ZDHHC14: variants seen among roughly 807,000 people sequenced by gnomAD.
ZDHHC14 encodes palmitoyltransferase ZDHHC14.
A neutral mutation model predicts 47.7 loss-of-function variants in ZDHHC14; 16 were observed. The ratio of observed to expected loss-of-function variants is 0.34; its 90% CI spans 0.23 to 0.51. The LOEUF is 0.51. Ranked by LOEUF, ZDHHC14 falls within the 20% of genes least tolerant of loss-of-function variation. ZDHHC14 has a pLI of 0.97. For missense variants in ZDHHC14, 515 were observed against 662.5 expected, an observed-to-expected ratio of 0.78 and a Z score of 2.44; for synonymous variants, 293 against 278.9, an observed-to-expected ratio of 1.05 and a Z score of -0.50.
chr6:157,628,273 G>A, intron 3 of ZDHHC14, 76 bp from the exon 4 acceptor site: 1 of 1,477,076 alleles, frequency 6.8e-7, no homozygotes, highest in South Asian at 1.3e-5. Flanking sequence ...GGGTGGGAGG[G>A]GCGGGGCTCC....
chr6:157,460,522 A>G (rs953969398), intron 1 of ZDHHC14, among the ~76,000 whole-genome samples: 1 of 150,752 alleles, frequency 6.6e-6, no homozygotes, highest in Non-Finnish European at 1.5e-5. Context: ...TTGAATTCCT[A>G]TGACAAGGAG....
chr6:157,448,884 C>T (rs1404190906), intron 1 of ZDHHC14, among the ~76,000 whole-genome samples: 1 of 152,218 alleles, frequency 6.6e-6, no homozygotes, highest in East Asian at 1.9e-4. Flanking sequence ...CCAGTGCTTT[C>T]ATTTTTATTA....
intron 8 of ZDHHC14, among the ~76,000 whole-genome samples, chr6:157,667,339 G>A (rs1258186615): frequency 1.3e-5 from 2 of 152,136 alleles, no homozygotes; most frequent in South Asian, 2.1e-4. Flanking sequence ...GAGAAAAAGC[G>A]AGCGGTGATG....
intron 1 of ZDHHC14, among the ~76,000 whole-genome samples, chr6:157,528,222 C>T (rs1388760761): frequency 6.6e-6 from 1 of 152,104 alleles, no homozygotes; most frequent in Non-Finnish European, 1.5e-5. Flanking sequence ...AGTTAATAAT[C>T]GTGTTTGCCA....
chr6:157,510,418 T>C (rs1475146051), intron 1 of ZDHHC14, among the ~76,000 whole-genome samples: 1 of 152,106 alleles, frequency 6.6e-6, no homozygotes, highest in Non-Finnish European at 1.5e-5. Flanking sequence ...CAGGCAGCCT[T>C]CCATGCTCAC....
At chr6:157,672,611 T>G in intron 8 of ZDHHC14, 113 bp from the exon 9 acceptor site, 1 of 1,107,270 alleles carries the variant, frequency 9.0e-7, no homozygotes, top group Non-Finnish European at 1.3e-6. Flanking sequence ...ACTAACGGTT[T>G]CTCTCTTCTC....
chr6:157,497,296 G>A (rs1426485368), intron 1 of ZDHHC14, among the ~76,000 whole-genome samples: 1 of 152,162 alleles, frequency 6.6e-6, no homozygotes, highest in Non-Finnish European at 1.5e-5. Flanking sequence ...GGAGCTTTGA[G>A]GGGCTTTCTG....
intron 8 of ZDHHC14, among the ~76,000 whole-genome samples, chr6:157,657,690 GCAC>G (rs1778165490): frequency 6.6e-6 from 1 of 152,202 alleles, no homozygotes; most frequent in African/African-American, 2.4e-5. Context: ...ACGCGTATAA[GCAC>G]TACTCCGGAT....
intron 2 of ZDHHC14, among the ~76,000 whole-genome samples, chr6:157,561,224 G>A (rs1052185471): frequency 6.8e-6 from 1 of 146,918 alleles, no homozygotes; most frequent in African/African-American, 2.6e-5. Flanking sequence ...TCCCGTGTGT[G>A]GAAGAAGCAT....
At position 157,677,101 on chromosome 6, in the gene ZDHHC14, C is replaced by CTGTGGG. The variant is rs1268843991; in HGVS notation, c.*3979_*3980insTGTGGG. On this transcript the variant is annotated 3_prime_UTR_variant, in exon 9 of 9. Transcript: ENST00000359775. ...TGATGTTTACATTTTCTATCAAGTACACATGAGCTGTGGGAGTCTAGCATA... is the reference window on the plus strand; with the variant it reads ...TGATGTTTACATTTTCTATCAAGTACTGTGGGACATGAGCTGTGGGAGTCTAGCATA... 12 of 152,186 alleles carry CTGTGGG rather than the reference C, an allele frequency of 7.9e-5. No homozygotes were observed. The highest frequency in any genetic ancestry group is 2.7e-4 in the African/African-American group (11 of 41,456). 9.4% of individuals were successfully genotyped at this position (152,186 alleles called of 1,614,324 possible).
At chr6:157,450,743 T>G (rs1427450605) in intron 1 of ZDHHC14, among the ~76,000 whole-genome samples, 1 of 152,190 alleles carries the variant, frequency 6.6e-6, no homozygotes, top group Non-Finnish European at 1.5e-5. Context: ...ATCCTTGGAT[T>G]GTAAATAGTC....
intron 8 of ZDHHC14, among the ~76,000 whole-genome samples, chr6:157,670,131 G>C (rs889457598): frequency 1.3e-5 from 2 of 152,140 alleles, no homozygotes; most frequent in Non-Finnish European, 2.9e-5. Context: ...AGCCCCCACC[G>C]GAAGGGACCT....
chr6:157,447,308 G>A (rs896968023), intron 1 of ZDHHC14, among the ~76,000 whole-genome samples: 1 of 152,220 alleles, frequency 6.6e-6, no homozygotes, highest in Non-Finnish European at 1.5e-5. Flanking sequence ...TGTGGGGTGA[G>A]GCGTCCAAGG....
intron 2 of ZDHHC14, among the ~76,000 whole-genome samples, chr6:157,548,436 GTTGTTTGT>G (rs199951969): frequency 2.0e-5 from 3 of 150,982 alleles, no homozygotes; most frequent in East Asian, 1.9e-4. Context: ...TGTTGTTGTT[GTTGTTTGT>G]TTGTTTGTTT....
intron 1 of ZDHHC14, among the ~76,000 whole-genome samples, chr6:157,491,123 C>A (rs142873227): frequency 0.017 from 2,598 of 152,312 alleles, 74 homozygotes; most frequent in African/African-American, 0.059. Context: ...CTGACTGCGT[C>A]AGACAGTACC....
intron 1 of ZDHHC14, among the ~76,000 whole-genome samples, chr6:157,516,674 C>T (rs189941038): frequency 4.8e-4 from 73 of 152,288 alleles, no homozygotes; most frequent in Non-Finnish European, 7.2e-4. Flanking sequence ...AGTAATTGTG[C>T]AAGGAAGCAC....
chr6:157,512,150 G>A (rs1203722876), intron 1 of ZDHHC14, among the ~76,000 whole-genome samples: 2 of 152,146 alleles, frequency 1.3e-5, no homozygotes, highest in South Asian at 2.1e-4. Context: ...CCTCATGTTC[G>A]AGTGAAGGAA....
intron 1 of ZDHHC14, among the ~76,000 whole-genome samples, chr6:157,440,870 CTG>C (rs1190687708): frequency 1.3e-5 from 2 of 152,128 alleles, no homozygotes; most frequent in Non-Finnish European, 2.9e-5. Context: ...GATGGTGAAA[CTG>C]TTTTGGAATT....
At chr6:157,406,681 C>G (rs983570672) in intron 1 of ZDHHC14, among the ~76,000 whole-genome samples, 1 of 152,180 alleles carries the variant, frequency 6.6e-6, no homozygotes, top group African/African-American at 2.4e-5. Context: ...AGACATTTCC[C>G]TCTGCTGGAA....
Sources: allele counts gnomAD v4.1 joint callset (sites outside exome capture counted in the v4.1 genomes callset), GRCh38; gene constraint gnomAD v4.1.1; transcripts MANE v1.5; gene names NCBI Gene and HGNC (gene_info 2026-07-23, HGNC 2026-07-21).